Variants in SGCD observed in about 807,000 individuals in gnomAD.
SGCD encodes sarcoglycan delta.
Under a neutral mutation model 36.6 loss-of-function variants are expected in SGCD, and 18 were observed. That is an observed-to-expected ratio of 0.49 (90% confidence interval 0.34 to 0.73). SGCD has a LOEUF of 0.73. SGCD is among the 30% of genes least tolerant of loss of function. The pLI is 0.01. For synonymous variants in SGCD, 133 were observed against 130.6 expected, an observed-to-expected ratio of 1.02 and a Z score of -0.12; for missense variants, 387 against 346.7, an observed-to-expected ratio of 1.12 and a Z score of -0.92.
At chr5:155,913,014 C>T (rs1259264142) in intron 1 of SGCD, among the ~76,000 whole-genome samples, 1 of 152,104 alleles carries the variant, frequency 6.6e-6, no homozygotes, top group Non-Finnish European at 1.5e-5. Context: ...TTTTTCCGAA[C>T]TTTTGCATTG....
rs181469396 is a variant in SGCD at position 155,991,436 on chromosome 5, C to G, written c.-282+121012C>G. ...GCATGACACTGAGTGTGAATTCACA[C>G]TCAAAGAGATCACACTGAAGGGAAT... On this transcript the variant is annotated intron_variant, in intron 1 of 9. Transcript: ENST00000517913. Among the ~76,000 whole-genome samples the G allele has an allele frequency of 1.7e-3, 262 of 152,168 alleles. 1 individual carries two copies. Among genetic ancestry groups the G allele is most frequent in the African/African-American group, 5.5e-3 (229 of 41,518 alleles).
At chr5:156,149,843 A>G (rs1762792541) in intron 3 of SGCD, among the ~76,000 whole-genome samples, 1 of 152,100 alleles carries the variant, frequency 6.6e-6, no homozygotes, top group South Asian at 2.1e-4. Flanking sequence ...TGTATATGGA[A>G]TCATCTACTT....
intron 1 of SGCD, among the ~76,000 whole-genome samples, chr5:155,957,947 G>A (rs145220433): frequency 6.6e-6 from 1 of 152,206 alleles, no homozygotes; most frequent in Non-Finnish European, 1.5e-5. Flanking sequence ...TTGTAGGTAG[G>A]TAGTCCTGGG....
chr5:156,215,150 A>T (rs763612960), intron 3 of SGCD, among the ~76,000 whole-genome samples: 1 of 152,066 alleles, frequency 6.6e-6, no homozygotes, highest in Non-Finnish European at 1.5e-5. Flanking sequence ...ATCTAATGCA[A>T]ATATTTCCAA....
intron 3 of SGCD, among the ~76,000 whole-genome samples, chr5:156,215,466 C>T (rs1385017542): frequency 6.6e-6 from 1 of 152,014 alleles, no homozygotes; most frequent in Non-Finnish European, 1.5e-5. Flanking sequence ...ATGTAAGGAA[C>T]TCAAGAAACT....
intron 1 of SGCD, among the ~76,000 whole-genome samples, chr5:156,115,696 A>G (rs943297322): frequency 3.3e-5 from 5 of 152,034 alleles, no homozygotes; most frequent in Non-Finnish European, 7.4e-5. Context: ...CTTGTCTCCT[A>G]AGTCTCTATT....
chr5:156,100,260 A>G (rs2127596496), intron 1 of SGCD, among the ~76,000 whole-genome samples: 1 of 152,232 alleles, frequency 6.6e-6, no homozygotes. Context: ...ACCCTCAAGA[A>G]GCTGACAAAA....
intron 4 of SGCD, among the ~76,000 whole-genome samples, chr5:156,528,864 A>G (rs1310670298): frequency 6.6e-6 from 1 of 152,296 alleles, no homozygotes; most frequent in East Asian, 1.9e-4. Context: ...TGGGTTTCTC[A>G]TCATCATCAC....
At chr5:156,269,949 G>A in intron 3 of SGCD, among the ~76,000 whole-genome samples, 1 of 152,194 alleles carries the variant, frequency 6.6e-6, no homozygotes, top group East Asian at 1.9e-4. Context: ...ATCCTTGCCT[G>A]TGCCTACAAC....
chr5:156,441,368 G>T (rs1753485222), intron 3 of SGCD, among the ~76,000 whole-genome samples: 1 of 152,070 alleles, frequency 6.6e-6, no homozygotes, highest in Non-Finnish European at 1.5e-5. Flanking sequence ...TTCTTTAAAG[G>T]GAGGATAATA....
rs1758357023 is a variant in SGCD at position 156,541,786 on chromosome 5, G to A, written c.294+33084G>A. Among the ~76,000 whole-genome samples, 4 of 152,222 alleles carry A rather than the reference G, an allele frequency of 2.6e-5. No homozygotes were observed. In the South Asian group the frequency reaches 8.3e-4, roughly 32 times the overall value. On this transcript the variant is annotated intron_variant, in intron 4 of 8. Coordinates refer to ENST00000337851, the MANE Select transcript of SGCD (RefSeq NM_000337.6). ...AAAAATCATGACTTGCACATTTTAT[G>A]TATGCTGCAATGAATCTTTAGAGAT...
chr5:155,783,770 G>C, the SGCD span, among the ~76,000 whole-genome samples: 1 of 152,058 alleles, frequency 6.6e-6, no homozygotes, highest in Non-Finnish European at 1.5e-5. Context: ...GAAAGTGGAA[G>C]CTCGCCTAAA....
intron 3 of SGCD, among the ~76,000 whole-genome samples, chr5:156,233,505 G>T (rs1765074999): frequency 6.6e-6 from 1 of 152,164 alleles, no homozygotes; most frequent in East Asian, 1.9e-4. Context: ...AAAGTGGAGA[G>T]GGTGTTTAAA....
chr5:155,863,171 T>A, the SGCD span, among the ~76,000 whole-genome samples: 2 of 152,112 alleles, frequency 1.3e-5, no homozygotes, highest in Non-Finnish European at 2.9e-5. Context: ...CCTGAGTCAC[T>A]CTCCCAGGGC....
At chr5:156,341,834 C>T (rs758276292) in intron 2 of SGCD, among the ~76,000 whole-genome samples, 17 of 152,240 alleles carry the variant, frequency 1.1e-4, no homozygotes, top group Non-Finnish European at 2.2e-4. Context: ...GCCTCAGCCT[C>T]CCAAGTAACT....
intron 1 of SGCD, among the ~76,000 whole-genome samples, chr5:155,971,733 C>A (rs1000607005): frequency 6.6e-6 from 1 of 152,058 alleles, no homozygotes; most frequent in Non-Finnish European, 1.5e-5. Context: ...TCCTTCATAC[C>A]TGTTGAGTGT....
At chr5:155,739,254 C>T in the SGCD span, among the ~76,000 whole-genome samples, 1 of 152,154 alleles carries the variant, frequency 6.6e-6, no homozygotes, top group East Asian at 1.9e-4. Flanking sequence ...GTAATTGCGA[C>T]CAAAGCTGGA....
intron 3 of SGCD, among the ~76,000 whole-genome samples, chr5:156,187,655 G>C (rs554300068): frequency 1.3e-5 from 2 of 152,270 alleles, no homozygotes; most frequent in African/African-American, 4.8e-5. Context: ...GCTTACAACA[G>C]TGTCTGGGGC....
At position 156,488,353 on chromosome 5, in the gene SGCD, C is replaced by G. The variant is rs375097594; in HGVS notation, c.193-20248C>G. Reference sequence around the variant, plus strand: ...AATGGATTCAACCCAACAAGGTCTTCTCTAAGGCTTATTATAGTCAAATTG... The same window carrying G: ...AATGGATTCAACCCAACAAGGTCTTGTCTAAGGCTTATTATAGTCAAATTG... On this transcript the variant is annotated intron_variant, in intron 3 of 8. Transcript: ENST00000337851. 6.6e-5 allele frequency among the ~76,000 whole-genome samples: 10 copies of G among 151,994 alleles called. No individual in the cohort carries two copies. In the South Asian group the frequency reaches 2.1e-3, roughly 32 times the overall value.
Sources: gnomAD v4.1 joint callset for allele counts (sites outside exome capture counted in the v4.1 genomes callset) on GRCh38, gnomAD v4.1.1 for gene constraint, MANE v1.5 for transcripts, NCBI Gene and HGNC (gene_info 2026-07-23, HGNC 2026-07-21) for gene names.